The following KCNK3 variants were observed in gnomAD, a reference collection of about 807,000 sequenced individuals.
KCNK3 encodes potassium channel subfamily K member 3.
A neutral mutation model predicts 27.3 loss-of-function variants in KCNK3; 9 were observed. The observed-to-expected ratio is 0.33, with a 90% CI of 0.20 to 0.57. The LOEUF (loss-of-function observed/expected upper bound fraction) is 0.57, where lower values mean the gene tolerates loss of function less well. Among genes scored for constraint, KCNK3 ranks in the 20% least tolerant of loss-of-function variants. KCNK3 has a pLI of 0.87. For missense variants in KCNK3, 391 were observed against 577.7 expected, an observed-to-expected ratio of 0.68 and a Z score of 3.31; for synonymous variants, 278 against 273.8, an observed-to-expected ratio of 1.02 and a Z score of -0.15.
At chr2:26,725,956 A>T (rs1023780649) in intron 1 of KCNK3, among the ~76,000 whole-genome samples, 2 of 152,172 alleles carry the variant, frequency 1.3e-5, no homozygotes, top group Non-Finnish European at 2.9e-5. Context: ...CTTGATAGGT[A>T]CCAGGCTCTG....
chr2:26,723,021 T>C (rs1663352506), intron 1 of KCNK3, among the ~76,000 whole-genome samples: 1 of 152,208 alleles, frequency 6.6e-6, no homozygotes, highest in African/African-American at 2.4e-5. Flanking sequence ...CCTAGCCCCA[T>C]GCTCTTTCCT....
At position 26,727,866 on chromosome 2, in the gene KCNK3, C is replaced by G. The variant is rs199970334; in HGVS notation, c.483C>G (p.Leu161=). The change falls in exon 2 of 2, where the codon CTC becomes CTG. Residue 161 remains leucine (L), a synonymous_variant. Coordinates refer to ENST00000302909, the MANE Select transcript of KCNK3 (RefSeq NM_002246.3). ...ACGTGTCCATGGCCAACATGGTGCT[C>G]ATCGGCTTCTTCTCGTGCATCAGCA... ...RADVSMANMV[L]IGFFSCISTL... is the part of the protein sequence containing the mutation. 1.2e-5 allele frequency: 19 copies of G among 1,614,170 alleles called. No individual in the cohort carries two copies. In the African/African-American group the frequency reaches 2.5e-4, roughly 21 times the overall value.
intron 1 of KCNK3, among the ~76,000 whole-genome samples, chr2:26,699,809 G>A (rs866532354): frequency 2.2e-4 from 34 of 152,296 alleles, no homozygotes; most frequent in South Asian, 1.7e-3. Context: ...GACGGCAGGC[G>A]GCATCATCCT....
At chr2:26,716,165 A>G (rs1273931317) in intron 1 of KCNK3, among the ~76,000 whole-genome samples, 1 of 152,172 alleles carries the variant, frequency 6.6e-6, no homozygotes, top group Admixed American at 6.5e-5. Flanking sequence ...CAGCAGAAAA[A>G]AACTGCCTTT....
chr2:26,720,722 G>A (rs1046717781), intron 1 of KCNK3, among the ~76,000 whole-genome samples: 5 of 152,278 alleles, frequency 3.3e-5, no homozygotes, highest in Admixed American at 1.3e-4. Context: ...GGGGGTAGTG[G>A]GGGGAAGAGC....
At chr2:26,706,759 C>T (rs1338316447) in intron 1 of KCNK3, among the ~76,000 whole-genome samples, 4 of 152,154 alleles carry the variant, frequency 2.6e-5, no homozygotes, top group Non-Finnish European at 5.9e-5. Flanking sequence ...AGGGGGTGGG[C>T]CAGTGAACTC....
At chr2:26,697,477 C>T (rs1383825566) in intron 1 of KCNK3, among the ~76,000 whole-genome samples, 1 of 152,210 alleles carries the variant, frequency 6.6e-6, no homozygotes, top group Non-Finnish European at 1.5e-5. Flanking sequence ...TGCACTCCAG[C>T]CTAGGGCACC....
chr2:26,706,091 G>C (rs1670369343), intron 1 of KCNK3, among the ~76,000 whole-genome samples: 1 of 152,192 alleles, frequency 6.6e-6, no homozygotes, highest in Non-Finnish European at 1.5e-5. Flanking sequence ...AGAGCTTGTT[G>C]GGATCTGTAT....
At chr2:26,713,940 G>T (rs183278570) in intron 1 of KCNK3, among the ~76,000 whole-genome samples, 13 of 151,340 alleles carry the variant, frequency 8.6e-5, no homozygotes, top group African/African-American at 2.7e-4. Context: ...TCCAGGCGTG[G>T]TAGTGGGCAC....
intron 1 of KCNK3, among the ~76,000 whole-genome samples, chr2:26,716,892 G>T (rs1663240048): frequency 6.6e-6 from 1 of 152,180 alleles, no homozygotes; most frequent in Non-Finnish European, 1.5e-5. Context: ...CCTGCAGTAG[G>T]CTTAGCAAAC....
At chr2:26,707,668 G>C (rs566646125) in intron 1 of KCNK3, among the ~76,000 whole-genome samples, 1 of 152,292 alleles carries the variant, frequency 6.6e-6, no homozygotes, top group South Asian at 2.1e-4. Context: ...TGAGTTCAGG[G>C]TGCTGCTGAT....
At position 26,693,175 on chromosome 2, in the gene KCNK3, CG is replaced by C. The variant is rs1344955723; in HGVS notation, c.283+23del. 3.9e-6 allele frequency: 5 copies of C among 1,276,498 alleles called. No individual in the cohort carries two copies. The highest frequency in any genetic ancestry group is 2.6e-5 in the Admixed American group (1 of 37,948). 79.1% of individuals were successfully genotyped at this position (1,276,498 alleles called of 1,614,324 possible). ...CCACCATCGGTAACGGCTCGCCGGG[CG>C]GGGGGCGGGAACCCAGGGCTGGGCG... On this transcript the variant is annotated intron_variant, in intron 1 of 1. Transcript: ENST00000302909. The surrounding 1 kb of genome is among the most constrained non-coding windows in gnomAD (Gnocchi z 5.5).
rs1029201825 is a variant in KCNK3, at chr2:26,721,549, G to A, written c.284-6118G>A. 1.3e-5 allele frequency among the ~76,000 whole-genome samples: 2 copies of A among 152,190 alleles called. No homozygotes were observed. The highest frequency in any genetic ancestry group is 4.8e-5 in the African/African-American group (2 of 41,450). ...ACAACTGAGGGGCGGCTCCATGTCT[G>A]TGCCTCAGGCGCCTGAGCTGGTTCC... On this transcript the variant is annotated intron_variant, in intron 1 of 1. Coordinates refer to ENST00000302909, the MANE Select transcript of KCNK3 (RefSeq NM_002246.3). This position sits in a 1 kb window ranked among gnomAD's most constrained non-coding sequence, Gnocchi z 4.3.
At chr2:26,723,859 A>T (rs1663365546) in intron 1 of KCNK3, among the ~76,000 whole-genome samples, 1 of 152,236 alleles carries the variant, frequency 6.6e-6, no homozygotes, top group Admixed American at 6.5e-5. Flanking sequence ...CGGTCAGAAC[A>T]TCTGCTCTGG....
chr2:26,699,841 C>T (rs1670285529), intron 1 of KCNK3, among the ~76,000 whole-genome samples: 1 of 152,218 alleles, frequency 6.6e-6, no homozygotes, highest in African/African-American at 2.4e-5. Context: ...GAAAAGGACG[C>T]TCAGAGAAGT....
chr2:26,705,903 T>A (rs1670366691), intron 1 of KCNK3, among the ~76,000 whole-genome samples: 1 of 152,024 alleles, frequency 6.6e-6, no homozygotes, highest in African/African-American at 2.4e-5. Context: ...ACGGCCCTTG[T>A]GTGCTGAGTA....
chr2:26,716,207 C>T (rs1663229409), intron 1 of KCNK3, among the ~76,000 whole-genome samples: 1 of 152,206 alleles, frequency 6.6e-6, no homozygotes, highest in Non-Finnish European at 1.5e-5. Context: ...CATTTATGGC[C>T]TGAGATGAAA....
intron 1 of KCNK3, among the ~76,000 whole-genome samples, chr2:26,700,748 CCAT>C (rs1036399936): frequency 1.1e-4 from 7 of 61,484 alleles, no homozygotes; most frequent in South Asian, 5.4e-4. Flanking sequence ...ATCATCATCA[CCAT>C]CATCATCATC....
chr2:26,697,635 C>T (rs1414904495), intron 1 of KCNK3, among the ~76,000 whole-genome samples: 5 of 152,134 alleles, frequency 3.3e-5, no homozygotes, highest in East Asian at 1.9e-4. Flanking sequence ...GCCCAGCACC[C>T]GCCATGGGCA....
Sources: allele counts gnomAD v4.1 joint callset (sites outside exome capture counted in the v4.1 genomes callset), GRCh38; gene constraint gnomAD v4.1.1; non-coding constraint Gnocchi (gnomAD v3.1); transcripts MANE v1.5; gene names NCBI Gene and HGNC (gene_info 2026-07-23, HGNC 2026-07-21).